CCDC102B: variants seen among roughly 807,000 people sequenced by gnomAD.
CCDC102B encodes coiled-coil domain containing 102B, also known as coiled-coil domain-containing protein 102B.
Under a neutral mutation model 57.4 loss-of-function variants are expected in CCDC102B, and 75 were observed. The ratio of observed to expected loss-of-function variants is 1.31; its 90% CI spans 1.08 to 1.58. CCDC102B has a LOEUF of 1.58. Ranked by LOEUF, CCDC102B falls within the 40% of genes most tolerant of loss-of-function variation. The pLI, the probability that CCDC102B is intolerant of heterozygous loss-of-function variation, is 0.00. For synonymous variants in CCDC102B, 206 were observed against 201.9 expected, an observed-to-expected ratio of 1.02 and a Z score of -0.17; for missense variants, 636 against 582.6, an observed-to-expected ratio of 1.09 and a Z score of -0.94.
chr18:68,929,212 A>G (rs2041582394), intron 6 of CCDC102B, among the ~76,000 whole-genome samples: 1 of 151,932 alleles, frequency 6.6e-6, no homozygotes, highest in Non-Finnish European at 1.5e-5. Flanking sequence ...ATGTAGCCTA[A>G]CAGAGGCCTT....
intron 6 of CCDC102B, among the ~76,000 whole-genome samples, chr18:68,957,954 C>T (rs948918331): frequency 1.3e-5 from 2 of 152,102 alleles, no homozygotes; most frequent in Admixed American, 6.6e-5. Flanking sequence ...CTGATAAAGA[C>T]GTACCCAAGA....
In CCDC102B at chr18:69,047,743, A is replaced by C. The variant is rs2052603844; in HGVS notation, c.1435-6287A>C. ...TAATCAGTAGCATTCTTAAACACCA[A>C]CATCTAAACCTAGAGTCATATAAGG... On this transcript the variant is annotated intron_variant, in intron 7 of 7. Transcript: ENST00000360242. Among the ~76,000 whole-genome samples, 4 of 152,234 alleles carry C rather than the reference A, an allele frequency of 2.6e-5. No individual in the cohort carries two copies. In the South Asian group the frequency reaches 8.3e-4, roughly 32 times the overall value.
At chr18:68,745,521 A>T (rs1014153526) in intron 2 of CCDC102B, among the ~76,000 whole-genome samples, 2 of 152,112 alleles carry the variant, frequency 1.3e-5, no homozygotes, top group East Asian at 3.9e-4. Context: ...TTTGATATGT[A>T]TAATGTATAG....
intron 2 of CCDC102B, among the ~76,000 whole-genome samples, chr18:68,746,676 T>C (rs887281527): frequency 2.0e-5 from 3 of 152,052 alleles, no homozygotes; most frequent in Non-Finnish European, 2.9e-5. Context: ...ATCCCTAAAT[T>C]AGTAATTTTT....
rs60979864 is a variant in CCDC102B at position 68,863,178 on chromosome 18, TTATA to T, written c.937-11479_937-11476del. 4.9e-4 allele frequency among the ~76,000 whole-genome samples: 74 copies of T among 150,178 alleles called. 2 individuals carry two copies. In the East Asian group the frequency reaches 0.01, roughly 21 times the overall value. ...ATTGGATATATATTTTAAGGTGTGTTTATATATATATATATTTATATCTATTTCT... is the reference window on the plus strand; with the variant it reads ...ATTGGATATATATTTTAAGGTGTGTTTATATATATATTTATATCTATTTCT... On this transcript the variant is annotated intron_variant, in intron 4 of 7. Coordinates refer to ENST00000360242, the MANE Select transcript of CCDC102B (RefSeq NM_024781.3).
At position 68,841,206 on chromosome 18, in the gene CCDC102B, C is replaced by T. The variant is rs114359879; in HGVS notation, c.827+2280C>T. On this transcript the variant is annotated intron_variant, in intron 3 of 7. Coordinates refer to ENST00000360242, the MANE Select transcript of CCDC102B (RefSeq NM_024781.3). The stretch of plus-strand genomic sequence containing the variant: ...AATATCAGTGAGTGGGTGGCTTCGA[C>T]TGAGATGTGAATGTATTTTTTTCTG... Among the ~76,000 whole-genome samples the T allele has an allele frequency of 9.5e-3, 1,447 of 152,250 alleles. 18 individuals are homozygous for T. The highest frequency in any genetic ancestry group is 0.027 in the African/African-American group (1,115 of 41,548).
chr18:68,943,971 TC>T (rs200921794), intron 6 of CCDC102B, among the ~76,000 whole-genome samples: 2,122 of 152,260 alleles, frequency 0.014, 23 homozygotes, highest in East Asian at 0.033. Flanking sequence ...TCTAAATCCT[TC>T]ATTAGAGTTA....
Position 69,054,842 on chromosome 18 carries a change from A to C in CCDC102B, c.*705A>C, listed in dbSNP as rs2052788889. ...AATCATGGAAAGGCATCAGCATTGC[A>C]AAGTAGCATCTAGGTAGAAATCAGG... On this transcript the variant is annotated 3_prime_UTR_variant, in exon 8 of 8. Coordinates refer to ENST00000360242, the MANE Select transcript of CCDC102B (RefSeq NM_024781.3). 2.0e-6 allele frequency: 2 copies of C among 985,348 alleles called. No homozygotes were observed. Among genetic ancestry groups the C allele is most frequent in the South Asian group, 4.7e-5 (1 of 21,288 alleles). 61.0% of individuals were successfully genotyped at this position (985,348 alleles called of 1,614,324 possible).
intron 5 of CCDC102B, among the ~76,000 whole-genome samples, chr18:68,880,346 C>T (rs559178163): frequency 1.8e-4 from 27 of 152,330 alleles, no homozygotes; most frequent in East Asian, 9.7e-4. Flanking sequence ...GCAAGCACCG[C>T]GCGCAGCCCC....
At chr18:68,738,961 A>AACCTCTG (rs111289035) in intron 2 of CCDC102B, among the ~76,000 whole-genome samples, 15,825 of 147,414 alleles carry the variant, frequency 0.11, 1,108 homozygotes, top group African/African-American at 0.17. Context: ...ACATTGCCTG[A>AACCTCTG]ACCTCTGGCC....
At chr18:69,012,941 T>G (rs937256786) in intron 7 of CCDC102B, among the ~76,000 whole-genome samples, 4 of 152,024 alleles carry the variant, frequency 2.6e-5, no homozygotes, top group African/African-American at 7.3e-5. Flanking sequence ...AAGAACAAGC[T>G]CTAATGAAAA....
Position 69,020,283 on chromosome 18 carries a change from G to A in CCDC102B, c.1434+9179G>A, listed in dbSNP as rs192366222. On this transcript the variant is annotated intron_variant, in intron 7 of 7. Transcript: ENST00000360242. ...AATAAAAGTTCTATTTTGAGTAAGA[G>A]GAAGAAGAATCACCTAACTTTAAGA... 4.6e-5 allele frequency among the ~76,000 whole-genome samples: 7 copies of A among 152,136 alleles called. No individual in the cohort carries two copies. In the East Asian group the frequency reaches 9.7e-4, roughly 21 times the overall value.
chr18:68,829,246 G>A (rs978662820), intron 1 of CCDC102B, among the ~76,000 whole-genome samples: 4 of 151,986 alleles, frequency 2.6e-5, no homozygotes, highest in African/African-American at 9.7e-5. Context: ...ATGATATCAT[G>A]CATGATTTTA....
In CCDC102B at chr18:69,036,087, G is replaced by A. The variant is rs184266232; in HGVS notation, c.1435-17943G>A. 5.8e-3 allele frequency among the ~76,000 whole-genome samples: 876 copies of A among 152,136 alleles called. 3 individuals carry two copies. The highest frequency in any genetic ancestry group is 0.01 in the Middle Eastern group (3 of 294). On this transcript the variant is annotated intron_variant, in intron 7 of 7. Coordinates refer to ENST00000360242, the MANE Select transcript of CCDC102B (RefSeq NM_024781.3). ...CTAATGGAAAGATGTATTAAAATTG[G>A]TTATCAACTGCTTCCATTGGGATTT...
At chr18:68,912,844 C>T (rs1013505160) in intron 6 of CCDC102B, among the ~76,000 whole-genome samples, 1 of 152,196 alleles carries the variant, frequency 6.6e-6, no homozygotes, top group Non-Finnish European at 1.5e-5. Context: ...ATCCTCTTTA[C>T]TCCAAAAGTC....
chr18:68,735,353 C>T (rs995097072), intron 2 of CCDC102B, among the ~76,000 whole-genome samples: 10 of 152,132 alleles, frequency 6.6e-5, no homozygotes, highest in Admixed American at 5.2e-4. Context: ...GGCAGCGCGC[C>T]AGGGCTATAG....
chr18:69,008,097 C>A (rs1048092435), intron 6 of CCDC102B, among the ~76,000 whole-genome samples: 1 of 152,208 alleles, frequency 6.6e-6, no homozygotes, highest in African/African-American at 2.4e-5. Context: ...TCCCATTAAG[C>A]TCTGAATTAT....
chr18:69,030,424 A>G (rs17080090), intron 7 of CCDC102B, among the ~76,000 whole-genome samples: 7,640 of 152,286 alleles, frequency 0.05, 670 homozygotes, highest in African/African-American at 0.17. Flanking sequence ...GCCTGGTTAC[A>G]AAATAATGAA....
intron 6 of CCDC102B, among the ~76,000 whole-genome samples, chr18:68,918,226 T>C (rs938020670): frequency 6.6e-6 from 1 of 152,240 alleles, no homozygotes; most frequent in African/African-American, 2.4e-5. Context: ...ACTTACAAAA[T>C]TAAATACCTT....
Sources: gnomAD v4.1 joint callset for allele counts (sites outside exome capture counted in the v4.1 genomes callset) on GRCh38, gnomAD v4.1.1 for gene constraint, MANE v1.5 for transcripts, NCBI Gene and HGNC (gene_info 2026-07-23, HGNC 2026-07-21) for gene names.